Variants in ARHGAP15 observed in about 807,000 individuals in gnomAD.
ARHGAP15 encodes Rho GTPase activating protein 15.
In ARHGAP15, 51 loss-of-function variants were observed where a neutral mutation model predicts 63.7. The ratio of observed to expected loss-of-function variants is 0.80; its 90% CI spans 0.64 to 1.01. The LOEUF is 1.01. ARHGAP15 is among the 50% of genes least tolerant of loss of function. The probability of loss-of-function intolerance (pLI) is 0.00; values close to 1 mark genes in which losing one functional copy is unlikely to be tolerated. For synonymous variants in ARHGAP15, 191 were observed against 193.8 expected (o/e 0.99, Z 0.12); for missense variants, 560 against 564.6 (o/e 0.99, Z 0.08).
At chr2:143,218,679 T>C (rs1376665507) in intron 4 of ARHGAP15, among the ~76,000 whole-genome samples, 1 of 152,202 alleles carries the variant, frequency 6.6e-6, no homozygotes, top group African/African-American at 2.4e-5. Flanking sequence ...ATGCGTCTCT[T>C]AATGATGGGC....
chr2:143,245,108 A>G (rs1188861690), intron 5 of ARHGAP15, among the ~76,000 whole-genome samples: 1 of 152,222 alleles, frequency 6.6e-6, no homozygotes, highest in Non-Finnish European at 1.5e-5. Flanking sequence ...GCTGGAGGCC[A>G]GAGGCACCCA....
At chr2:143,717,919 GGATAATTGTTAA>G (rs1190433565) in intron 13 of ARHGAP15, among the ~76,000 whole-genome samples, 2 of 149,992 alleles carry the variant, frequency 1.3e-5, no homozygotes, top group African/African-American at 4.9e-5. Context: ...GGTTTTTTAT[GGATAATTGTTAA>G]GAACACAGAG....
At chr2:143,443,085 C>A (rs1327134679) in intron 8 of ARHGAP15, among the ~76,000 whole-genome samples, 2 of 152,024 alleles carry the variant, frequency 1.3e-5, no homozygotes, top group African/African-American at 4.8e-5. Context: ...AAAAGTCACA[C>A]GAGTTTCTTG....
chr2:143,289,393 C>T (rs1682276155), intron 6 of ARHGAP15, among the ~76,000 whole-genome samples: 1 of 152,120 alleles, frequency 6.6e-6, no homozygotes, highest in Non-Finnish European at 1.5e-5. Flanking sequence ...AATCAAAATC[C>T]ATGTAGCTTA....
intron 12 of ARHGAP15, among the ~76,000 whole-genome samples, chr2:143,652,232 G>T (rs1358328928): frequency 1.3e-5 from 2 of 151,992 alleles, no homozygotes; most frequent in African/African-American, 4.8e-5. Flanking sequence ...ACAGAGAGTT[G>T]ATATTTCAGG....
chr2:143,416,656 C>T (rs1450997986), intron 6 of ARHGAP15, among the ~76,000 whole-genome samples: 1 of 152,128 alleles, frequency 6.6e-6, no homozygotes, highest in Non-Finnish European at 1.5e-5. Flanking sequence ...CTTCTTTCTC[C>T]AGCCTCTTGG....
At chr2:143,151,760 G>A (rs1689831659) in intron 1 of ARHGAP15, among the ~76,000 whole-genome samples, 1 of 151,868 alleles carries the variant, frequency 6.6e-6, no homozygotes, top group African/African-American at 2.4e-5. Flanking sequence ...AGTTGAAAGG[G>A]AATAAAGAAA....
intron 6 of ARHGAP15, among the ~76,000 whole-genome samples, chr2:143,354,145 T>TC (rs1685704361): frequency 1.3e-5 from 2 of 152,146 alleles, no homozygotes; most frequent in African/African-American, 4.8e-5. Flanking sequence ...ATTCACATCA[T>TC]CTCCAAGTCT....
intron 10 of ARHGAP15, among the ~76,000 whole-genome samples, chr2:143,525,021 T>G (rs1694204907): frequency 6.6e-6 from 1 of 152,152 alleles, no homozygotes; most frequent in Admixed American, 6.5e-5. Flanking sequence ...AAAATCAGAC[T>G]TTACATAGTT....
intron 13 of ARHGAP15, among the ~76,000 whole-genome samples, chr2:143,709,803 G>A (rs142013068): frequency 6.6e-6 from 1 of 152,172 alleles, no homozygotes; most frequent in African/African-American, 2.4e-5. Context: ...AAAATAATTC[G>A]TCCACCCTGT....
intron 6 of ARHGAP15, among the ~76,000 whole-genome samples, chr2:143,405,454 T>A (rs1379340079): frequency 6.6e-6 from 1 of 151,898 alleles, no homozygotes; most frequent in Non-Finnish European, 1.5e-5. Context: ...TTACTCCCTT[T>A]ATAAAACATA....
chr2:143,551,950 G>A (rs1345730354), intron 10 of ARHGAP15, among the ~76,000 whole-genome samples: 1 of 152,192 alleles, frequency 6.6e-6, no homozygotes, highest in Non-Finnish European at 1.5e-5. Flanking sequence ...TGGCACCAGA[G>A]CTTCTCATGT....
At chr2:143,422,762 A>G (rs934958212) in intron 6 of ARHGAP15, among the ~76,000 whole-genome samples, 4 of 152,090 alleles carry the variant, frequency 2.6e-5, no homozygotes, top group African/African-American at 9.7e-5. Flanking sequence ...GATCAGGGAG[A>G]TGCTCTGCAG....
chr2:143,765,164 A>G (rs1180553116), intron 13 of ARHGAP15, among the ~76,000 whole-genome samples: 1 of 150,912 alleles, frequency 6.6e-6, no homozygotes. Flanking sequence ...TTAATGAAGG[A>G]GTTCCCATCA....
At chr2:143,603,798 TC>T in intron 11 of ARHGAP15, among the ~76,000 whole-genome samples, 1 of 152,314 alleles carries the variant, frequency 6.6e-6, no homozygotes, top group Non-Finnish European at 1.5e-5. Context: ...TATCATGTTC[TC>T]AGTGGAAAAG....
intron 2 of ARHGAP15, among the ~76,000 whole-genome samples, chr2:143,174,373 G>C (rs1245627758): frequency 6.6e-6 from 1 of 152,008 alleles, no homozygotes; most frequent in Non-Finnish European, 1.5e-5. Flanking sequence ...CACCACCTTT[G>C]AGAGCACTGT....
chr2:143,153,840 T>TTCTTCTTCTTCTTCTTCC (rs1558779595), intron 1 of ARHGAP15, among the ~76,000 whole-genome samples: 4 of 78,414 alleles, frequency 5.1e-5, no homozygotes, highest in Admixed American at 1.4e-4. Context: ...CTTCTTCTTC[T>TTCTTCTTCTTCTTCTTCC]TCTTCCTCCT....
rs143171077 is a variant in ARHGAP15, at chr2:143,637,076, A to G, written c.1138+12809A>G. Among the ~76,000 whole-genome samples, 254 of 148,996 alleles carry G rather than the reference A, an allele frequency of 1.7e-3. 1 individual carries two copies. Among genetic ancestry groups the G allele is most frequent in the African/African-American group, 5.7e-3 (231 of 40,820 alleles). ...GCACTAATCCTACCAGGAGAGCCCC[A>G]CCCTCATGACCCTATCTAAACTTTG... On this transcript the variant is annotated intron_variant, in intron 12 of 13. Coordinates refer to ENST00000295095, the MANE Select transcript of ARHGAP15 (RefSeq NM_018460.4).
At chr2:143,497,091 A>G (rs1692849327) in intron 9 of ARHGAP15, among the ~76,000 whole-genome samples, 2 of 152,188 alleles carry the variant, frequency 1.3e-5, no homozygotes, top group Admixed American at 6.5e-5. Flanking sequence ...AGCAGTAACA[A>G]GTGGAGGCAG....
Sources: allele counts gnomAD v4.1 joint callset (sites outside exome capture counted in the v4.1 genomes callset), GRCh38; gene constraint gnomAD v4.1.1; transcripts MANE v1.5; gene names NCBI Gene and HGNC (gene_info 2026-07-23, HGNC 2026-07-21).